Variants in ANK3 observed in about 807,000 individuals in gnomAD.
ANK3 encodes the protein ankyrin-3.
Under a neutral mutation model 370.9 loss-of-function variants are expected in ANK3, and 57 were observed. The ratio of observed to expected loss-of-function variants is 0.15; its 90% CI spans 0.12 to 0.19. The LOEUF is 0.19. ANK3 is among the 10% of genes least tolerant of loss of function. The pLI is 1.00. For synonymous variants in ANK3, 1,929 were observed against 1,946.3 expected (o/e 0.99, Z 0.23); for missense variants, 4,439 against 5,302.1 (o/e 0.84, Z 5.06).
chr10:60,397,233 A>T (rs1485072473), intron 2 of ANK3, among the ~76,000 whole-genome samples: 1 of 152,096 alleles, frequency 6.6e-6, no homozygotes, highest in Admixed American at 6.6e-5. Context: ...ACTACTCCAG[A>T]TGCTATAATG....
At chr10:60,058,005 A>G (rs1005589356) in intron 41 of ANK3, among the ~76,000 whole-genome samples, 1 of 152,218 alleles carries the variant, frequency 6.6e-6, no homozygotes, top group African/African-American at 2.4e-5. Context: ...GTTATGAAAT[A>G]AGTTCTCTTG....
intron 8 of ANK3, among the ~76,000 whole-genome samples, chr10:60,225,609 C>T (rs1298971043): frequency 1.3e-5 from 2 of 152,128 alleles, no homozygotes; most frequent in African/African-American, 2.4e-5. Context: ...GAGTTCATTT[C>T]TGCCTTTTAT....
At chr10:60,068,083 C>T (rs755132011) in intron 37 of ANK3, 74 bp from the exon 38 acceptor site, 36 of 1,381,622 alleles carry the variant, frequency 2.6e-5, no homozygotes, top group African/African-American at 2.3e-4. Context: ...TTTAGCAGTA[C>T]GCAGATTTTA....
chr10:60,086,512 G>T, intron 30 of ANK3, 165 bp downstream of exon 30: 1 of 563,718 alleles, frequency 1.8e-6, no homozygotes. Context: ...ATGATCCTTG[G>T]GAAACCAGAG....
chr10:60,380,292 G>A (rs891367734), intron 1 of ANK3, among the ~76,000 whole-genome samples: 6 of 152,058 alleles, frequency 3.9e-5, no homozygotes, highest in African/African-American at 9.7e-5. Flanking sequence ...TTCCTAGGGG[G>A]AGGAACCCTT....
intron 1 of ANK3, among the ~76,000 whole-genome samples, chr10:60,314,972 G>T (rs2047096413): frequency 6.6e-6 from 1 of 152,162 alleles, no homozygotes; most frequent in Non-Finnish European, 1.5e-5. Context: ...CGTTGGCTTA[G>T]ACTTCTGATA....
intron 2 of ANK3, among the ~76,000 whole-genome samples, chr10:60,523,769 G>C (rs147868597): frequency 6.6e-6 from 1 of 152,100 alleles, no homozygotes; most frequent in African/African-American, 2.4e-5. Flanking sequence ...TAATGGGATG[G>C]CTGGGTCAAA....
chr10:60,204,418 C>G (rs1343009083), intron 11 of ANK3, among the ~76,000 whole-genome samples: 2 of 152,158 alleles, frequency 1.3e-5, no homozygotes, highest in Non-Finnish European at 1.5e-5. Flanking sequence ...TGAAAGTAAA[C>G]TTTCTATTTT....
chr10:60,189,310 T>C (rs1367075090), intron 16 of ANK3, among the ~76,000 whole-genome samples: 1 of 152,044 alleles, frequency 6.6e-6, no homozygotes, highest in Non-Finnish European at 1.5e-5. Context: ...CTGGGCAACA[T>C]AGGGAGAGCC....
At chr10:60,611,903 G>C (rs2078207153) in intron 2 of ANK3, among the ~76,000 whole-genome samples, 1 of 151,452 alleles carries the variant, frequency 6.6e-6, no homozygotes, top group South Asian at 2.1e-4. Context: ...GTGGGGCGAA[G>C]AAATGGGGAA....
Position 60,721,283 on chromosome 10 carries a change from G to A in ANK3, c.57+11980C>T, listed in dbSNP as rs181699971. ...CTTGTCTTGAAGGAAGATTTTCCAGGAAGAGAAAAATGAGAATGGCACAAA... is the reference window on the plus strand; with the variant it reads ...CTTGTCTTGAAGGAAGATTTTCCAGAAAGAGAAAAATGAGAATGGCACAAA... On this transcript the variant is annotated intron_variant, in intron 1 of 43. Coordinates refer to the ANK3 transcript ENST00000373827. Among the ~76,000 whole-genome samples, 220 of 152,276 alleles carry A rather than the reference G, an allele frequency of 1.4e-3. 1 individual carries two copies. The highest frequency in any genetic ancestry group is 2.6e-3 in the Non-Finnish European group (176 of 68,034).
chr10:60,249,205 T>G (rs1430331408), intron 7 of ANK3, among the ~76,000 whole-genome samples: 1 of 152,198 alleles, frequency 6.6e-6, no homozygotes, highest in African/African-American at 2.4e-5. Context: ...AACTCAATTG[T>G]GGAGGAATCA....
chr10:60,427,387 A>C (rs1167061673), intron 2 of ANK3, among the ~76,000 whole-genome samples: 2 of 152,140 alleles, frequency 1.3e-5, no homozygotes, highest in Non-Finnish European at 2.9e-5. Flanking sequence ...GTTCACAGTC[A>C]AAATAGAGTA....
intron 2 of ANK3, among the ~76,000 whole-genome samples, chr10:60,492,289 C>T (rs1164784930): frequency 6.6e-6 from 1 of 152,204 alleles, no homozygotes; most frequent in African/African-American, 2.4e-5. Flanking sequence ...ATCACCATCA[C>T]CATGATTCCC....
intron 28 of ANK3, among the ~76,000 whole-genome samples, chr10:60,090,954 G>A (rs185139500): frequency 0.038 from 5,795 of 151,812 alleles, 170 homozygotes; most frequent in Non-Finnish European, 0.059. Flanking sequence ...TGTCGCCCAC[G>A]AGTGCAATGG....
In ANK3 at chr10:60,265,005, T is replaced by C. The variant is rs191912211; in HGVS notation, c.514-985A>G. Among the ~76,000 whole-genome samples the C allele has an allele frequency of 2.4e-3, 355 of 150,750 alleles. 6 individuals carry two copies. The highest frequency in any genetic ancestry group is 8.5e-3 in the African/African-American group (343 of 40,182). The stretch of plus-strand genomic sequence containing the variant: ...AAATTTTATTTTAAATTAAAAATTA[T>C]AAATATTTATAGGGGTACAAGTGAT... On this transcript the variant is annotated intron_variant, in intron 5 of 43. Coordinates refer to ENST00000280772, the MANE Select transcript of ANK3 (RefSeq NM_020987.5).
At chr10:60,221,316 G>A (rs2097053109) in intron 8 of ANK3, among the ~76,000 whole-genome samples, 1 of 152,152 alleles carries the variant, frequency 6.6e-6, no homozygotes, top group African/African-American at 2.4e-5. Flanking sequence ...CTGACCTCAG[G>A]TGATCCTCCC....
At position 60,074,393 on chromosome 10, in the gene ANK3, G is replaced by T. The variant is rs1360695495; in HGVS notation, c.6488C>A (p.Thr2163Lys). Residue 2163 changes from threonine to lysine, a missense_variant, in exon 37 of 44, where the codon ACA (threonine) becomes AAA (lysine). Physicochemically the swap from Thr to Lys is moderately conservative, Grantham distance 78 (BLOSUM62 -1). This residue lies in a region of ANK3 where 1,601 missense variants were observed against 1,731.7 expected (regional missense o/e 0.92). Coordinates refer to ENST00000280772, the MANE Select transcript of ANK3 (RefSeq NM_020987.5). ...FHEVPIPPVI[T>K]ETRTEVVHVI... The stretch of plus-strand genomic sequence containing the variant: ...ATGAACCACTTCAGTTCTTGTTTCT[G>T]TAATGACAGGAGGGATGGGAACTTC... 6.2e-7 allele frequency: 1 copy of T among 1,613,968 alleles called. No individual in the cohort carries two copies. The highest frequency in any genetic ancestry group is 1.1e-5 in the South Asian group (1 of 91,072).
At chr10:60,138,732 G>T in intron 24 of ANK3, 1 of 558,418 alleles carries the variant, frequency 1.8e-6, no homozygotes, top group Non-Finnish European at 3.0e-6. Context: ...CTGCAAAGTG[G>T]GAAAAAAAAA....
Sources: allele counts gnomAD v4.1 joint callset (sites outside exome capture counted in the v4.1 genomes callset), GRCh38; gene constraint gnomAD v4.1.1; regional missense constraint gnomAD v4.1.1; transcripts MANE v1.5; gene names NCBI Gene and HGNC (gene_info 2026-07-23, HGNC 2026-07-21).